Variants in PSMC6 observed in about 807,000 individuals in gnomAD.
PSMC6 encodes 26S proteasome regulatory subunit 10B.
A neutral mutation model predicts 55.9 loss-of-function variants in PSMC6; 3 were observed. The observed-to-expected ratio is 0.05, with a 90% CI of 0.02 to 0.14. PSMC6 has a LOEUF of 0.14. Ranked by LOEUF, PSMC6 falls within the 10% of genes least tolerant of loss-of-function variation. PSMC6 has a pLI of 1.00. For missense variants in PSMC6, 210 were observed against 478.7 expected (o/e 0.44, Z 5.24); for synonymous variants, 137 against 155.9 (o/e 0.88, Z 0.90).
intron 10 of PSMC6, among the ~76,000 whole-genome samples, chr14:52,719,720 C>T (rs901529177): frequency 6.6e-6 from 1 of 152,268 alleles, no homozygotes; most frequent in East Asian, 1.9e-4. Flanking sequence ...TATAAAATCT[C>T]TTAGAAACCT....
At chr14:52,710,759 T>C (rs2041763199) in intron 4 of PSMC6, 1 of 304,536 alleles carries the variant, frequency 3.3e-6, no homozygotes, top group South Asian at 3.4e-5. Flanking sequence ...TTAAAATGCT[T>C]CCCTTTCCTT....
chr14:52,723,193 A>G (rs1880268413), intron 12 of PSMC6: 1 of 152,270 alleles, frequency 6.6e-6, no homozygotes, highest in Non-Finnish European at 1.5e-5. Flanking sequence ...ACCTGATTAA[A>G]GACAATTCAT....
At chr14:52,709,580 T>C (rs2041743387) in intron 4 of PSMC6, 4 of 456,046 alleles carry the variant, frequency 8.8e-6, no homozygotes. Context: ...TTCAGGGCTC[T>C]GTGGATGCCG....
chr14:52,714,881 AAAAAAAAT>A (rs1266527070), intron 7 of PSMC6, among the ~76,000 whole-genome samples: 1 of 151,248 alleles, frequency 6.6e-6, no homozygotes, highest in Non-Finnish European at 1.5e-5. Flanking sequence ...AAAAAAAAAA[AAAAAAAAT>A]TTTTTTATAT....
At chr14:52,720,042 G>A (rs961591362) in intron 10 of PSMC6, among the ~76,000 whole-genome samples, 8 of 151,934 alleles carry the variant, frequency 5.3e-5, no homozygotes, top group African/African-American at 1.9e-4. Flanking sequence ...GACCAACGTA[G>A]CGAAACACCA....
chr14:52,723,762 C>T (rs978761566), intron 12 of PSMC6: 21 of 1,211,238 alleles, frequency 1.7e-5, no homozygotes, highest in Non-Finnish European at 2.2e-5. Context: ...TTTAAAGTTT[C>T]AGGGGTGTGT....
At chr14:52,719,238 C>T (rs1377368453) in intron 10 of PSMC6, among the ~76,000 whole-genome samples, 200 bp downstream of exon 10, 1 of 152,132 alleles carries the variant, frequency 6.6e-6, no homozygotes, top group East Asian at 1.9e-4. Context: ...CTGCCAAATT[C>T]CATTTGGTAT....
At chr14:52,717,493 G>C (rs941431684) in intron 7 of PSMC6, among the ~76,000 whole-genome samples, 3 of 151,308 alleles carry the variant, frequency 2.0e-5, no homozygotes, top group Non-Finnish European at 4.4e-5. Flanking sequence ...GTGCCACCAC[G>C]CTCAGCTAAT....
chr14:52,711,202 T>C (rs2041768326), intron 5 of PSMC6, 34 bp downstream of exon 5: 1 of 1,581,706 alleles, frequency 6.3e-7, no homozygotes. Flanking sequence ...TCACCTTTTA[T>C]TTTCACAAAG....
intron 1 of PSMC6, among the ~76,000 whole-genome samples, chr14:52,707,972 G>A (rs961748676): frequency 6.6e-6 from 1 of 152,230 alleles, no homozygotes; most frequent in African/African-American, 2.4e-5. Flanking sequence ...GGTAGGTGAA[G>A]AGGTGAGGAA....
At chr14:52,714,801 G>A (rs2041812016) in intron 7 of PSMC6, among the ~76,000 whole-genome samples, 2 of 149,060 alleles carry the variant, frequency 1.3e-5, no homozygotes, top group South Asian at 4.2e-4. Flanking sequence ...GGGAGGCAGA[G>A]GTTGCAGTGA....
Position 52,728,518 on chromosome 14 carries a change from A to G in PSMC6, c.*901A>G, listed in dbSNP as rs1375557473. ...TGTAGGGGATGTAGGAGTGTCAGAA[A>G]TGTTCAAAACATGATTTCTGTTACC... On this transcript the variant is annotated 3_prime_UTR_variant, in exon 14 of 14. Transcript: ENST00000445930. 6.6e-6 allele frequency: 1 copy of G among 152,214 alleles called. No homozygotes were observed. Among genetic ancestry groups the G allele is most frequent in the African/African-American group, 2.4e-5 (1 of 41,452 alleles). The allele number at this position is 152,214 out of a possible 1,614,324, so 9.4% of individuals were successfully genotyped here. A position where few individuals can be genotyped will look rare whatever the true frequency, so the allele number is the denominator to read the frequency against.
At chr14:52,710,787 A>G in intron 4 of PSMC6, 1 of 344,020 alleles carries the variant, frequency 2.9e-6, no homozygotes, top group Non-Finnish European at 5.4e-6. Flanking sequence ...AATGTTCACT[A>G]AGGGATTTTT....
At chr14:52,718,900 G>A (rs538701784) in intron 9 of PSMC6, 77 bp from the exon 10 acceptor site, 26 of 1,126,616 alleles carry the variant, frequency 2.3e-5, no homozygotes, top group Non-Finnish European at 3.2e-5. Context: ...GCCACAGACT[G>A]TTATGTTCTG....
intron 6 of PSMC6, among the ~76,000 whole-genome samples, chr14:52,713,196 C>T (rs1594848972): frequency 6.6e-6 from 1 of 152,088 alleles, no homozygotes; most frequent in African/African-American, 2.4e-5. Flanking sequence ...TGCCATTGCA[C>T]TCCAGCCTGG....
intron 7 of PSMC6, 42 bp from the exon 8 acceptor site, chr14:52,718,039 T>G: frequency 6.3e-6 from 10 of 1,591,946 alleles, no homozygotes; most frequent in Non-Finnish European, 8.6e-6. Context: ...CAAATTTTTT[T>G]CTACCTTACC....
intron 1 of PSMC6, 44 bp downstream of exon 1, chr14:52,707,348 C>G (rs1236713614): frequency 2.5e-6 from 4 of 1,609,534 alleles, no homozygotes; most frequent in Non-Finnish European, 3.4e-6. Flanking sequence ...CCTCGACTCG[C>G]TTCTGCCTCT....
rs534375810 is a variant in PSMC6 at position 52,714,423 on chromosome 14, C to G, written c.529+455C>G. 5.3e-5 allele frequency among the ~76,000 whole-genome samples: 8 copies of G among 152,308 alleles called. No individual in the cohort carries two copies. In the South Asian group the frequency reaches 1.7e-3, roughly 32 times the overall value. On this transcript the variant is annotated intron_variant, in intron 7 of 13. Coordinates refer to ENST00000445930, the MANE Select transcript of PSMC6 (RefSeq NM_002806.5). ...AGATAGGATATTTATGTCTACTGTT[C>G]TTTGAGGCATGCTTAGTGCATTTGT...
chr14:52,721,067 A>G (rs750517569), intron 11 of PSMC6, 43 bp from the exon 12 acceptor site: 1 of 1,578,630 alleles, frequency 6.3e-7, no homozygotes, highest in Non-Finnish European at 8.6e-7. Context: ...ACTGTATTTT[A>G]AAAAAGATAA....
Sources: allele counts gnomAD v4.1 joint callset (sites outside exome capture counted in the v4.1 genomes callset), GRCh38; gene constraint gnomAD v4.1.1; transcripts MANE v1.5; gene names NCBI Gene and HGNC (gene_info 2026-07-23, HGNC 2026-07-21).